The following CLYBL variants were observed in gnomAD, a reference collection of about 807,000 sequenced individuals.
CLYBL encodes citramalyl-CoA lyase.
In CLYBL, 31 loss-of-function variants were observed where a neutral mutation model predicts 38.9. The observed-to-expected ratio is 0.80, with a 90% CI of 0.60 to 1.08. The LOEUF is 1.08. CLYBL is among the 50% of genes least tolerant of loss of function. The probability of loss-of-function intolerance (pLI) is 0.00; values close to 1 mark genes in which losing one functional copy is unlikely to be tolerated. For missense variants in CLYBL, 434 were observed against 411.6 expected, an observed-to-expected ratio of 1.05 and a Z score of -0.47; for synonymous variants, 171 against 158.6, an observed-to-expected ratio of 1.08 and a Z score of -0.59.
chr13:99,632,184 A>G (rs1444198711), intron 1 of CLYBL, among the ~76,000 whole-genome samples: 1 of 152,210 alleles, frequency 6.6e-6, no homozygotes, highest in Non-Finnish European at 1.5e-5. Context: ...GAGGGCACAA[A>G]CACCCAAATC....
intron 1 of CLYBL, among the ~76,000 whole-genome samples, chr13:99,731,503 TAAAA>T (rs11305509): frequency 1.4e-5 from 2 of 143,426 alleles, no homozygotes; most frequent in African/African-American, 2.6e-5. Flanking sequence ...CTGCTTATAT[TAAAA>T]AAAAAAAAAA....
intron 1 of CLYBL, among the ~76,000 whole-genome samples, chr13:99,756,025 A>G (rs2049056830): frequency 6.6e-6 from 1 of 152,144 alleles, no homozygotes; most frequent in African/African-American, 2.4e-5. Context: ...TCCACTAACA[A>G]AGGCACGTTT....
At chr13:99,716,417 T>A (rs1245816693) in intron 1 of CLYBL, among the ~76,000 whole-genome samples, 3 of 149,322 alleles carry the variant, frequency 2.0e-5, no homozygotes, top group Non-Finnish European at 4.4e-5. Flanking sequence ...TTTAATAGAG[T>A]CTGTCGCCCA....
chr13:99,848,204 C>T (rs2051252849), intron 2 of CLYBL, among the ~76,000 whole-genome samples: 1 of 152,170 alleles, frequency 6.6e-6, no homozygotes, highest in Non-Finnish European at 1.5e-5. Flanking sequence ...GAGGTGCCGT[C>T]CCCTGCTTCT....
intron 2 of CLYBL, among the ~76,000 whole-genome samples, chr13:99,810,346 T>G (rs1352794551): frequency 2.0e-5 from 3 of 152,146 alleles, no homozygotes; most frequent in Non-Finnish European, 4.4e-5. Flanking sequence ...AGGGAATCCC[T>G]GTGGAAATGC....
chr13:99,652,687 T>C (rs1304694212), intron 1 of CLYBL, among the ~76,000 whole-genome samples: 1 of 152,230 alleles, frequency 6.6e-6, no homozygotes, highest in Non-Finnish European at 1.5e-5. Context: ...TCCCGAATGT[T>C]CCAGCAATGC....
chr13:99,694,023 A>G (rs1466508873), intron 1 of CLYBL, among the ~76,000 whole-genome samples: 1 of 152,214 alleles, frequency 6.6e-6, no homozygotes, highest in Non-Finnish European at 1.5e-5. Context: ...AGCTCGCACA[A>G]AAGAAATGTT....
chr13:99,724,894 C>T (rs1026741738), intron 1 of CLYBL, among the ~76,000 whole-genome samples: 8 of 152,222 alleles, frequency 5.3e-5, no homozygotes, highest in Non-Finnish European at 8.8e-5. Context: ...GGGTCACTTG[C>T]CACCAGTATC....
chr13:99,872,827 T>C (rs2051942385), intron 7 of CLYBL, among the ~76,000 whole-genome samples: 1 of 152,218 alleles, frequency 6.6e-6, no homozygotes, highest in Non-Finnish European at 1.5e-5. Flanking sequence ...ATTTAAGTTT[T>C]TGAATGAGGA....
chr13:99,869,312 G>A lies in CLYBL; in HGVS notation c.803-1626G>A, dbSNP rs1019192700. Among the ~76,000 whole-genome samples, 37 of 152,136 alleles carry A rather than the reference G, an allele frequency of 2.4e-4. No homozygotes were observed. The highest frequency in any genetic ancestry group is 7.0e-4 in the African/African-American group (29 of 41,512). On this transcript the variant is annotated intron_variant, in intron 6 of 8. Coordinates refer to ENST00000339105, the MANE Select transcript of CLYBL (RefSeq NM_206808.5). This position sits in a 1 kb window ranked among gnomAD's most constrained non-coding sequence, Gnocchi z 4.3. Reference sequence around the variant, plus strand: ...GTTCCCATGAAATCTGGCTTTTTACGCATTGGTGTAAATTATGTACATAAA... The same window carrying A: ...GTTCCCATGAAATCTGGCTTTTTACACATTGGTGTAAATTATGTACATAAA...
downstream of CLYBL, chr13:99,893,464 C>T (rs1328252106): frequency 2.0e-5 from 3 of 152,392 alleles, 1 homozygote; most frequent in Admixed American, 2.0e-4. Flanking sequence ...CTCACTCTGC[C>T]CCTGCCATAC....
At chr13:99,873,468 CT>C (rs2051960937) in intron 7 of CLYBL, among the ~76,000 whole-genome samples, 1 of 152,184 alleles carries the variant, frequency 6.6e-6, no homozygotes, top group Non-Finnish European at 1.5e-5. Context: ...AGATAGGAAA[CT>C]GATGGTTTGT....
intron 1 of CLYBL, among the ~76,000 whole-genome samples, chr13:99,650,710 T>A (rs988074683): frequency 3.3e-5 from 5 of 152,096 alleles, no homozygotes; most frequent in African/African-American, 1.2e-4. Flanking sequence ...GACCCTTGGA[T>A]TCTGTGCATC....
At chr13:99,805,619 C>G (rs2050217368) in intron 2 of CLYBL, among the ~76,000 whole-genome samples, 1 of 151,780 alleles carries the variant, frequency 6.6e-6, no homozygotes, top group Non-Finnish European at 1.5e-5. Flanking sequence ...CTACTGAGTG[C>G]CTGCAGGGAT....
intron 1 of CLYBL, among the ~76,000 whole-genome samples, chr13:99,754,821 T>A (rs2049029533): frequency 6.7e-6 from 1 of 148,336 alleles, no homozygotes; most frequent in African/African-American, 2.5e-5. Flanking sequence ...CTCGAACTCC[T>A]GACCTCGTGA....
chr13:99,840,649 C>A lies in CLYBL; in HGVS notation c.250-18212C>A, dbSNP rs145877469. 1.6e-3 allele frequency among the ~76,000 whole-genome samples: 230 copies of A among 141,828 alleles called. 3 individuals carry two copies. Among genetic ancestry groups the A allele is most frequent in the African/African-American group, 5.3e-3 (203 of 38,028 alleles). 93.0% of individuals were successfully genotyped at this position (141,828 alleles called of 152,430 possible). ...CCTGTAGTCCCAGCTACCTGGAAGG[C>A]TGAAGTGGAAGGATCACTTGAGCCC... On this transcript the variant is annotated intron_variant, in intron 2 of 8. Transcript: ENST00000339105.
chr13:99,775,640 C>T (rs996392255), intron 2 of CLYBL, among the ~76,000 whole-genome samples: 2 of 152,096 alleles, frequency 1.3e-5, no homozygotes, highest in African/African-American at 4.8e-5. Flanking sequence ...TCCTAAGCAG[C>T]TGGGACTATA....
At chr13:99,775,791 A>G (rs1442058078) in intron 2 of CLYBL, among the ~76,000 whole-genome samples, 2 of 152,048 alleles carry the variant, frequency 1.3e-5, no homozygotes, top group Non-Finnish European at 2.9e-5. Context: ...TTACAGGCAT[A>G]AGCCATGATG....
intron 2 of CLYBL, among the ~76,000 whole-genome samples, chr13:99,829,373 A>G (rs1322461352): frequency 6.6e-6 from 1 of 152,230 alleles, no homozygotes; most frequent in Non-Finnish European, 1.5e-5. Flanking sequence ...CAGCCGGAGC[A>G]GGGAAGTCCA....
Sources: gnomAD v4.1 joint callset for allele counts (sites outside exome capture counted in the v4.1 genomes callset) on GRCh38, gnomAD v4.1.1 for gene constraint, Gnocchi (gnomAD v3.1) non-coding constraint, MANE v1.5 for transcripts, NCBI Gene and HGNC (gene_info 2026-07-23, HGNC 2026-07-21) for gene names.